The following RBM39 variants were observed in gnomAD, a reference collection of about 807,000 sequenced individuals.
RBM39 encodes the protein RNA binding motif protein 39.
Under a neutral mutation model 79.6 loss-of-function variants are expected in RBM39, and 12 were observed. The observed-to-expected ratio is 0.15, with a 90% CI of 0.10 to 0.24. The LOEUF (loss-of-function observed/expected upper bound fraction) is 0.24, where lower values mean the gene tolerates loss of function less well. Among genes scored for constraint, RBM39 ranks in the 10% least tolerant of loss-of-function variants. The pLI, the probability that RBM39 is intolerant of heterozygous loss-of-function variation, is 1.00. For missense variants in RBM39, 243 were observed against 653.4 expected, an observed-to-expected ratio of 0.37 and a Z score of 6.85; for synonymous variants, 185 against 208.4, an observed-to-expected ratio of 0.89 and a Z score of 0.97.
intron 14 of RBM39, among the ~76,000 whole-genome samples, chr20:35,706,186 A>G (rs1452497349): frequency 5.9e-5 from 9 of 152,172 alleles, no homozygotes; most frequent in East Asian, 5.8e-4. Flanking sequence ...TAAAAACACA[A>G]AAGTAGTTGG....
intron 9 of RBM39, among the ~76,000 whole-genome samples, chr20:35,717,217 T>C (rs116276294): frequency 0.019 from 2,892 of 149,864 alleles, 92 homozygotes; most frequent in African/African-American, 0.067. Flanking sequence ...GAGGCAGAGG[T>C]TGCAATGACC....
At chr20:35,720,604 TAAA>T (rs61224365) in intron 9 of RBM39, among the ~76,000 whole-genome samples, 3 of 130,940 alleles carry the variant, frequency 2.3e-5, no homozygotes, top group Admixed American at 7.8e-5. Flanking sequence ...GCCCTGTCTC[TAAA>T]AAAAAAAAAA....
chr20:35,728,619 A>G (rs1308725790), intron 6 of RBM39, among the ~76,000 whole-genome samples: 1 of 152,108 alleles, frequency 6.6e-6, no homozygotes, highest in Non-Finnish European at 1.5e-5. Flanking sequence ...TCTACTTAAA[A>G]TACAAAAATT....
chr20:35,736,439 AAAAT>A (rs2039912846), intron 3 of RBM39: 1 of 316,266 alleles, frequency 3.2e-6, no homozygotes, highest in African/African-American at 2.2e-5. Context: ...ACAAAAAAAA[AAAAT>A]AGTGGCTTAA....
chr20:35,723,534 G>A (rs2038262261), intron 8 of RBM39, among the ~76,000 whole-genome samples: 1 of 152,164 alleles, frequency 6.6e-6, no homozygotes, highest in African/African-American at 2.4e-5. Flanking sequence ...TGCCTCCTGG[G>A]TTTAAGCAAT....
Position 35,714,177 on chromosome 20 carries a change from A to G in RBM39, c.1096+8T>C. ...AGTAAATCATTCGTAATAGCAAGAA[A>G]CACTTACCCTCTGCAAGTCTTGCCA... On this transcript the variant is annotated splice_region_variant and intron_variant, in intron 11 of 16. Coordinates refer to ENST00000253363, the MANE Select transcript of RBM39 (RefSeq NM_184234.3). 6.2e-7 allele frequency: 1 copy of G among 1,611,212 alleles called. No individual in the cohort carries two copies. The highest frequency in any genetic ancestry group is 1.1e-5 in the South Asian group (1 of 90,942).
chr20:35,736,611 T>C (rs912531285), intron 3 of RBM39: 29 of 467,426 alleles, frequency 6.2e-5, no homozygotes, highest in African/African-American at 5.8e-4. Flanking sequence ...AAATGGCTAT[T>C]TTTCTCTCGT....
At chr20:35,736,591 G>T (rs911111233) in intron 3 of RBM39, 4 of 469,956 alleles carry the variant, frequency 8.5e-6, no homozygotes, top group African/African-American at 2.0e-5. Context: ...GAGCCAAAAA[G>T]AAATCAAATA....
intron 3 of RBM39, among the ~76,000 whole-genome samples, chr20:35,738,140 T>C (rs1284096171): frequency 6.7e-6 from 1 of 148,560 alleles, no homozygotes; most frequent in African/African-American, 2.5e-5. Context: ...TGGGCGACAC[T>C]GCCAGACTCC....
intron 3 of RBM39, 25 bp downstream of exon 3, chr20:35,738,941 TCC>T: frequency 6.3e-7 from 1 of 1,592,916 alleles, no homozygotes; most frequent in South Asian, 1.1e-5. Flanking sequence ...CTCACCACCC[TCC>T]CCCAAGCCCC....
At chr20:35,712,997 T>C (rs1443776592) in intron 12 of RBM39, 22 bp downstream of exon 12, 1 of 1,582,098 alleles carries the variant, frequency 6.3e-7, no homozygotes, top group East Asian at 2.2e-5. Flanking sequence ...CGATTTAAAA[T>C]TAGAAAAGAT....
rs1332801031 is a variant in RBM39, at chr20:35,702,357, C to T, written c.*2124G>A. The stretch of plus-strand genomic sequence containing the variant: ...AGTTTCACTCAGAATGAGCTGTTTT[C>T]TATGCACGACACTATTCAAGTTACT... On this transcript the variant is annotated 3_prime_UTR_variant, in exon 17 of 17. Coordinates refer to ENST00000253363, the MANE Select transcript of RBM39 (RefSeq NM_184234.3). 6.6e-6 allele frequency: 1 copy of T among 152,174 alleles called. No individual in the cohort carries two copies. The highest frequency in any genetic ancestry group is 1.5e-5 in the Non-Finnish European group (1 of 68,022). 9.4% of individuals were successfully genotyped at this position (152,174 alleles called of 1,614,324 possible). A position where few individuals can be genotyped will look rare whatever the true frequency, so the allele number is the denominator to read the frequency against.
In RBM39 at chr20:35,740,810, A is replaced by G; in HGVS notation, c.51+14T>C. 1 of 1,604,432 alleles carries G rather than the reference A, an allele frequency of 6.2e-7. No individual in the cohort carries two copies. Among genetic ancestry groups the G allele is most frequent in the Admixed American group, 1.7e-5 (1 of 58,806 alleles). On this transcript the variant is annotated intron_variant, in intron 2 of 16. Transcript: ENST00000253363. ...TAAGAAATATATAAACCTCACCGAC[A>G]TGTTTTTTCTCACCTTCTTGTAAGG...
At chr20:35,739,072 T>C (rs1350877578) in intron 2 of RBM39, 55 bp from the exon 3 acceptor site, 27 of 1,387,570 alleles carry the variant, frequency 1.9e-5, no homozygotes, top group Non-Finnish European at 2.8e-5. Context: ...CATTTCAAGT[T>C]GTCAAAGGGT....
chr20:35,718,623 C>A (rs1487619193), intron 9 of RBM39, among the ~76,000 whole-genome samples: 1 of 151,890 alleles, frequency 6.6e-6, no homozygotes, highest in Non-Finnish European at 1.5e-5. Context: ...ACCAGCCTGA[C>A]CAACATGGAG....
rs1455527261 is a variant in RBM39, at chr20:35,704,434, T to C, written c.*47A>G. The C allele has an allele frequency of 1.5e-6, 2 of 1,321,592 alleles. No individual in the cohort carries two copies. Among genetic ancestry groups the C allele is most frequent in the Admixed American group, 4.4e-5 (2 of 45,764 alleles). 81.9% of individuals were successfully genotyped at this position (1,321,592 alleles called of 1,614,324 possible). A position where few individuals can be genotyped will look rare whatever the true frequency, so the allele number is the denominator to read the frequency against. On this transcript the variant is annotated 3_prime_UTR_variant, in exon 17 of 17. Transcript: ENST00000253363. ...AAATAAAAGATAACTCAAGATGAATTCTCAAGAAAGAAAAAAAGCTATATA... is the reference window on the plus strand; with the variant it reads ...AAATAAAAGATAACTCAAGATGAATCCTCAAGAAAGAAAAAAAGCTATATA...
At chr20:35,730,849 T>C (rs2039284528) in intron 4 of RBM39, among the ~76,000 whole-genome samples, 2 of 152,138 alleles carry the variant, frequency 1.3e-5, no homozygotes, top group African/African-American at 4.8e-5. Flanking sequence ...TTTTCAGCTA[T>C]TAAAAAGTTA....
At chr20:35,707,248 G>C in intron 13 of RBM39, 47 bp from the exon 14 acceptor site, 1 of 1,369,230 alleles carries the variant, frequency 7.3e-7, no homozygotes, top group Non-Finnish European at 1.0e-6. Flanking sequence ...ATGCATGAAA[G>C]TATCCCTCAT....
intron 3 of RBM39, among the ~76,000 whole-genome samples, chr20:35,735,843 T>C (rs1000625796): frequency 2.0e-5 from 3 of 152,172 alleles, no homozygotes; most frequent in Non-Finnish European, 4.4e-5. Flanking sequence ...TTAAAGAAAA[T>C]TGTCCATTCT....
Sources: gnomAD v4.1 joint callset for allele counts (sites outside exome capture counted in the v4.1 genomes callset) on GRCh38, gnomAD v4.1.1 for gene constraint, MANE v1.5 for transcripts, NCBI Gene and HGNC (gene_info 2026-07-23, HGNC 2026-07-21) for gene names.